Variants in JCAD observed in about 807,000 individuals in gnomAD.
JCAD encodes the protein junctional cadherin 5-associated protein.
In JCAD, 40 loss-of-function variants were observed where a neutral mutation model predicts 98.0. The ratio of observed to expected loss-of-function variants is 0.41; its 90% confidence interval spans 0.32 to 0.53. The LOEUF (loss-of-function observed/expected upper bound fraction) is 0.53, where lower values mean the gene tolerates loss of function less well. Among genes scored for constraint, JCAD ranks in the 20% least tolerant of loss-of-function variants. The pLI is 0.31. For synonymous variants in JCAD, 691 were observed against 682.3 expected (o/e 1.01, Z -0.20); for missense variants, 1,705 against 1,738.1 (o/e 0.98, Z 0.34).
At chr10:30,086,964 C>A (rs1838176685) in intron 1 of JCAD, among the ~76,000 whole-genome samples, 1 of 152,166 alleles carries the variant, frequency 6.6e-6, no homozygotes. Context: ...ATATAGTAAA[C>A]CGAACCCTAG....
At position 30,029,192 on chromosome 10, in the gene JCAD, A is replaced by C; in HGVS notation, c.956T>G (p.Met319Arg). ...CTCATGCCTGGGGACATAGGCGTCC[A>C]TCTGCTGGCTGTCCTGAGAGTCACT... ...DSSDSQDSQQMDAYVPRHELC... is the reference protein window; with the variant it reads ...DSSDSQDSQQRDAYVPRHELC... The change falls in exon 3 of 4, where the codon ATG (methionine) becomes AGG (arginine). Residue 319 changes from methionine (M) to arginine (R), a missense_variant. Physicochemically the swap from Met to Arg is moderately conservative, Grantham distance 91. This residue lies in a region of JCAD where 275 missense variants were observed against 346.9 expected (regional missense o/e 0.79). Coordinates refer to ENST00000375377, the MANE Select transcript of JCAD (RefSeq NM_020848.4). 6.2e-7 allele frequency: 1 copy of C among 1,614,154 alleles called. No individual in the cohort carries two copies. The highest frequency in any genetic ancestry group is 8.5e-7 in the Non-Finnish European group (1 of 1,180,030).
chr10:30,055,431 C>CA (rs1837550677), intron 1 of JCAD, among the ~76,000 whole-genome samples: 1 of 152,166 alleles, frequency 6.6e-6, no homozygotes, highest in Admixed American at 6.5e-5. Context: ...TGCTAACTGA[C>CA]ACGTAGGTTT....
rs769702497 is a variant in JCAD, at chr10:30,027,555, C to G, written c.2593G>C (p.Glu865Gln). The G allele has an allele frequency of 6.2e-7, 1 of 1,613,960 alleles. No homozygotes were observed. The highest frequency in any genetic ancestry group is 8.5e-7 in the Non-Finnish European group (1 of 1,180,042). The change falls in exon 3 of 4, where the codon GAG becomes CAG. Residue 865 changes from glutamate to glutamine, a missense_variant. By Grantham distance (29) the Glu-to-Gln change is conservative. Transcript: ENST00000375377. The stretch of plus-strand genomic sequence containing the variant: ...TGAGCACGGTTCTCCTGCTGCGGCT[C>G]CGCCTCACTCTCCTCACTGCTGCTG... Reference protein sequence around the residue: ...SSSSSEESEAEPQQENRAHCR... With the variant: ...SSSSSEESEAQPQQENRAHCR...
At chr10:30,018,296 C>CTTTTTTT (rs68092911) in intron 3 of JCAD, among the ~76,000 whole-genome samples, 150 of 70,668 alleles carry the variant, frequency 2.1e-3, no homozygotes, top group African/African-American at 6.3e-3. Flanking sequence ...TCTTCTTCTT[C>CTTTTTTT]TTTTTTTTTT....
intron 1 of JCAD, among the ~76,000 whole-genome samples, chr10:30,083,061 CA>C (rs890384101): frequency 4.7e-5 from 7 of 150,262 alleles, no homozygotes; most frequent in Admixed American, 6.6e-5. Context: ...AAAACAGAAA[CA>C]AAAAAAAGAT....
chr10:30,029,240 T>C lies in JCAD; in HGVS notation c.908A>G (p.Gln303Arg). The C allele has an allele frequency of 6.2e-7, 1 of 1,614,106 alleles. No homozygotes were observed. Residue 303 changes from glutamine to arginine, a missense_variant, in exon 3 of 4, where the codon CAG becomes CGG. Physicochemically the swap from Gln to Arg is conservative, Grantham distance 43. This residue lies in a region of JCAD where 275 missense variants were observed against 346.9 expected (regional missense o/e 0.79). Coordinates refer to ENST00000375377, the MANE Select transcript of JCAD (RefSeq NM_020848.4). The stretch of plus-strand genomic sequence containing the variant: ...ACTGCTGTCCGCTCCTCCCCTAGAC[T>C]GCTGGTGCGAGCTGTAAGATGGGGG... ...LKPPSYSSHQQSRGGADSSDS... is the reference protein window; with the variant it reads ...LKPPSYSSHQRSRGGADSSDS...
rs182890107 is a variant in JCAD, at chr10:30,042,740, T to C, written c.281+4792A>G. 3.5e-4 allele frequency among the ~76,000 whole-genome samples: 54 copies of C among 152,298 alleles called. 1 individual carries two copies. The South Asian group carries it at 3.9e-3, about 11-fold the overall frequency. ...GGCCAGCCAGTTTTTCTCCATTTCCTATGAATGGTCCGTGAATCTCTCCAT... is the reference window on the plus strand; with the variant it reads ...GGCCAGCCAGTTTTTCTCCATTTCCCATGAATGGTCCGTGAATCTCTCCAT... On this transcript the variant is annotated intron_variant, in intron 2 of 3. Coordinates refer to ENST00000375377, the MANE Select transcript of JCAD (RefSeq NM_020848.4).
intron 1 of JCAD, among the ~76,000 whole-genome samples, chr10:30,081,743 A>G (rs1035031194): frequency 1.2e-4 from 18 of 152,040 alleles, no homozygotes; most frequent in African/African-American, 2.4e-5. Context: ...CCTGAGCCCA[A>G]GATTTGAATG....
Position 30,029,659 on chromosome 10 carries a change from C to T in JCAD, c.489G>A (p.Val163=). 6.2e-7 allele frequency: 1 copy of T among 1,614,250 alleles called. No homozygotes were observed. Among genetic ancestry groups the T allele is most frequent in the African/African-American group, 1.3e-5 (1 of 75,066 alleles). Residue 163 remains valine, a synonymous_variant, in exon 3 of 4, where the codon GTG becomes GTA. Transcript: ENST00000375377. The part of the protein sequence containing the change: ...PWEVGGRSEH[V]MKKPVWEEEL... ...CTTCTTCCCAAACTGGCTTCTTCAT[C>T]ACATGCTCTGACCTTCCTCCAACTT...
chr10:30,037,476 G>A (rs770839030), intron 2 of JCAD, among the ~76,000 whole-genome samples: 3 of 152,172 alleles, frequency 2.0e-5, no homozygotes, highest in Non-Finnish European at 4.4e-5. Context: ...AGGTTGCGCT[G>A]GCAGAATGGT....
intron 1 of JCAD, among the ~76,000 whole-genome samples, chr10:30,074,918 G>A (rs775305545): frequency 2.0e-5 from 3 of 152,200 alleles, no homozygotes; most frequent in Admixed American, 1.3e-4. Flanking sequence ...TCAGCCTCCA[G>A]AGTTGCTAGG....
chr10:30,103,789 T>A (rs1838513835), intron 1 of JCAD, among the ~76,000 whole-genome samples: 2 of 147,312 alleles, frequency 1.4e-5, no homozygotes, highest in African/African-American at 5.0e-5. Context: ...TGGAGTGCAA[T>A]GACGCAATCT....
At chr10:30,046,603 T>C (rs1029992973) in intron 2 of JCAD, among the ~76,000 whole-genome samples, 3 of 152,222 alleles carry the variant, frequency 2.0e-5, no homozygotes, top group South Asian at 2.1e-4. Context: ...GGTTGTGAAA[T>C]AGCTTTTACA....
At chr10:30,085,335 C>T (rs16931043) in intron 1 of JCAD, among the ~76,000 whole-genome samples, 4,260 of 152,170 alleles carry the variant, frequency 0.028, 183 homozygotes, top group African/African-American at 0.092. Flanking sequence ...TTTATTCATC[C>T]TATGGTAAGT....
At chr10:30,018,792 T>C (rs1836592561) in intron 3 of JCAD, among the ~76,000 whole-genome samples, 1 of 152,130 alleles carries the variant, frequency 6.6e-6, no homozygotes, top group Non-Finnish European at 1.5e-5. Flanking sequence ...CTTCTTATTT[T>C]TTAAAGAGAA....
chr10:30,077,812 C>T (rs2132678475), intron 1 of JCAD, among the ~76,000 whole-genome samples: 1 of 152,332 alleles, frequency 6.6e-6, no homozygotes, highest in Admixed American at 6.5e-5. Flanking sequence ...ATCCATTTAT[C>T]TATTGATGGA....
chr10:30,056,733 T>G (rs1034401370), intron 1 of JCAD, among the ~76,000 whole-genome samples: 4 of 152,192 alleles, frequency 2.6e-5, no homozygotes, highest in African/African-American at 9.7e-5. Context: ...CTATAGAAAG[T>G]TGTTGGGAAA....
chr10:30,084,027 AAGAG>A (rs201309511), intron 1 of JCAD, among the ~76,000 whole-genome samples: 2 of 151,236 alleles, frequency 1.3e-5, no homozygotes, highest in Non-Finnish European at 2.9e-5. Context: ...AAAAGAAAGA[AAGAG>A]AGAGAGAGAG....
intron 1 of JCAD, among the ~76,000 whole-genome samples, chr10:30,084,144 GAAAA>G (rs926508647): frequency 6.8e-6 from 1 of 146,614 alleles, no homozygotes; most frequent in South Asian, 2.2e-4. Context: ...GAAGAGAAAA[GAAAA>G]AAGAAAAGGA....
Sources: allele counts gnomAD v4.1 joint callset (sites outside exome capture counted in the v4.1 genomes callset), GRCh38; gene constraint gnomAD v4.1.1; regional missense constraint gnomAD v4.1.1; transcripts MANE v1.5; gene names NCBI Gene and HGNC (gene_info 2026-07-23, HGNC 2026-07-21).